Variants in RGS12 observed in about 807,000 individuals in gnomAD.
RGS12 encodes the protein regulator of G protein signaling 12.
In RGS12, 66 loss-of-function variants were observed where a neutral mutation model predicts 120.1. The observed-to-expected ratio is 0.55, with a 90% CI of 0.45 to 0.67. RGS12 has a LOEUF of 0.67. Among genes scored for constraint, RGS12 ranks in the 30% least tolerant of loss-of-function variants. RGS12 has a pLI of 0.00. For synonymous variants in RGS12, 827 were observed against 804.7 expected, an observed-to-expected ratio of 1.03 and a Z score of -0.47; for missense variants, 1,859 against 1,957.7, an observed-to-expected ratio of 0.95 and a Z score of 0.95.
At chr4:3,321,774 G>A (rs1317602874) in intron 2 of RGS12, among the ~76,000 whole-genome samples, 1 of 152,210 alleles carries the variant, frequency 6.6e-6, no homozygotes, top group East Asian at 1.9e-4. Flanking sequence ...CCTGGGCAGG[G>A]GCCCCTGCTG....
intron 1 of RGS12, among the ~76,000 whole-genome samples, chr4:3,313,448 G>A (rs191475034): frequency 7.2e-5 from 11 of 152,304 alleles, no homozygotes; most frequent in Admixed American, 6.5e-4. Flanking sequence ...ACCGTTTCAC[G>A]CATGTCCTGC....
At chr4:3,362,409 G>A (rs1578823120) in intron 3 of RGS12, among the ~76,000 whole-genome samples, 2 of 150,632 alleles carry the variant, frequency 1.3e-5, no homozygotes, top group East Asian at 2.0e-4. Flanking sequence ...GTATGTGAGG[G>A]TGTATCTGTG....
chr4:3,386,567 G>C, intron 4 of RGS12, 130 bp downstream of exon 4: 1 of 784,360 alleles, frequency 1.3e-6, no homozygotes, highest in Non-Finnish European at 2.1e-6. Context: ...TTGTGGGCGG[G>C]TTCTAGGTGA....
intron 1 of RGS12, among the ~76,000 whole-genome samples, chr4:3,298,938 C>G (rs1723526313): frequency 6.6e-6 from 1 of 152,170 alleles, no homozygotes; most frequent in Non-Finnish European, 1.5e-5. Flanking sequence ...CTGCTAATTT[C>G]AACACCTGCA....
intron 3 of RGS12, 60 bp from the exon 4 acceptor site, chr4:3,386,355 CG>C: frequency 5.9e-6 from 9 of 1,518,498 alleles, no homozygotes; most frequent in Non-Finnish European, 8.2e-6. Context: ...ATGGACTTTT[CG>C]TTTCCTGGAG....
intron 10 of RGS12, among the ~76,000 whole-genome samples, chr4:3,421,327 A>C (rs1183165665): frequency 6.6e-6 from 1 of 152,220 alleles, no homozygotes; most frequent in Non-Finnish European, 1.5e-5. Flanking sequence ...GGTCATTTGA[A>C]ATTTTCAGGC....
At chr4:3,403,921 A>G (rs1720851080) in intron 4 of RGS12, among the ~76,000 whole-genome samples, 1 of 152,236 alleles carries the variant, frequency 6.6e-6, no homozygotes, top group South Asian at 2.1e-4. Context: ...AAATGTGGAT[A>G]CAAAATTTCA....
At chr4:3,412,457 C>A (rs983438029) in intron 4 of RGS12, among the ~76,000 whole-genome samples, 2 of 152,218 alleles carry the variant, frequency 1.3e-5, no homozygotes, top group Admixed American at 6.5e-5. Flanking sequence ...CTCTTTCTAC[C>A]CCTGGCCCCT....
upstream of RGS12, among the ~76,000 whole-genome samples, chr4:3,288,231 G>T (rs1722945218): frequency 6.6e-6 from 1 of 152,134 alleles, no homozygotes; most frequent in South Asian, 2.1e-4. This position sits in a 1 kb window ranked among gnomAD's most constrained non-coding sequence, Gnocchi z 5.2. Context: ...TGGGAGGGCT[G>T]GGGCTGGAGT....
At chr4:3,431,449 G>A in intron 17 of RGS12, 1 of 992,134 alleles carries the variant, frequency 1.0e-6, no homozygotes, top group Non-Finnish European at 1.2e-6. Flanking sequence ...TGAGAGTGCA[G>A]CTCGGACCCA....
At chr4:3,413,603 G>T in intron 4 of RGS12, 1 of 156,010 alleles carries the variant, frequency 6.4e-6, no homozygotes, top group African/African-American at 2.4e-5. Context: ...GGCATACGCG[G>T]CGCCCCGCGC....
In RGS12 at chr4:3,317,792, A is replaced by C; in HGVS notation, c.1622A>C (p.His541Pro). The C allele has an allele frequency of 1.2e-6, 2 of 1,613,412 alleles. No individual in the cohort carries two copies. Among genetic ancestry groups the C allele is most frequent in the South Asian group, 2.2e-5 (2 of 91,082 alleles). Reference protein sequence around the residue: ...CGFNQRWLPVHVLREWQCGHT... With the variant: ...CGFNQRWLPVPVLREWQCGHT... ...TTCAACCAGCGCTGGCTCCCGGTCC[A>C]CGTGCTCCGGGAGTGGCAGTGCGGA... Residue 541 changes from histidine (H) to proline (P), a missense_variant, in exon 2 of 18, where the codon CAC becomes CCC. Coordinates refer to ENST00000336727, the MANE Select transcript of RGS12 (RefSeq NM_001394154.1).
At chr4:3,292,901 G>C (rs1359774052), upstream of RGS12, 2 of 137,126 alleles carry the variant, frequency 1.5e-5, no homozygotes, top group Admixed American at 1.4e-4. Flanking sequence ...CCCCGCCCCC[G>C]CATCGCCCCG....
chr4:3,424,663 G>A (rs961528844), intron 13 of RGS12, among the ~76,000 whole-genome samples: 13 of 152,360 alleles, frequency 8.5e-5, no homozygotes, highest in Admixed American at 4.6e-4. Context: ...TGTGAGCTGC[G>A]GCCCTCGGCT....
chr4:3,408,738 G>A (rs551111021), intron 4 of RGS12, among the ~76,000 whole-genome samples: 13 of 152,280 alleles, frequency 8.5e-5, no homozygotes, highest in East Asian at 1.9e-4. Context: ...ATGGGCAGCC[G>A]GGGCTGTGGC....
chr4:3,397,044 A>G (rs1297794719), intron 4 of RGS12, among the ~76,000 whole-genome samples: 1 of 152,206 alleles, frequency 6.6e-6, no homozygotes, highest in African/African-American at 2.4e-5. Context: ...TTGCCTTTTA[A>G]AAAACCATCT....
intron 3 of RGS12, among the ~76,000 whole-genome samples, chr4:3,355,559 C>A (rs1349516622): frequency 1.3e-5 from 2 of 152,050 alleles, no homozygotes; most frequent in African/African-American, 4.8e-5. Flanking sequence ...CTCTGGGAGG[C>A]TGAAGTGGGC....
chr4:3,317,277 C>T lies in RGS12; in HGVS notation c.1107C>T (p.Thr369=). The T allele has an allele frequency of 6.2e-7, 1 of 1,614,170 alleles. No individual in the cohort carries two copies. Among genetic ancestry groups the T allele is most frequent in the Non-Finnish European group, 8.5e-7 (1 of 1,180,040 alleles). The change falls in exon 2 of 18, where the codon ACC becomes ACT. Residue 369 remains threonine (T), a synonymous_variant. Coordinates refer to ENST00000336727, the MANE Select transcript of RGS12 (RefSeq NM_001394154.1). ...FGFECTADPD[T]NGCLEFPASS... is the part of the protein sequence containing the mutation. Reference sequence around the variant, plus strand: ...TTGAGTGCACGGCCGACCCAGACACCAATGGCTGTCTGGAATTCCCGGCGT... The same window carrying T: ...TTGAGTGCACGGCCGACCCAGACACTAATGGCTGTCTGGAATTCCCGGCGT...
intron 4 of RGS12, among the ~76,000 whole-genome samples, chr4:3,408,609 G>A (rs1036257262): frequency 4.6e-5 from 7 of 152,326 alleles, no homozygotes; most frequent in African/African-American, 1.7e-4. Context: ...TTTGCGAATC[G>A]CTGGACTCAG....
Sources: gnomAD v4.1 joint callset for allele counts (sites outside exome capture counted in the v4.1 genomes callset) on GRCh38, gnomAD v4.1.1 for gene constraint, Gnocchi (gnomAD v3.1) non-coding constraint, MANE v1.5 for transcripts, NCBI Gene and HGNC (gene_info 2026-07-23, HGNC 2026-07-21) for gene names.